KAZN: variants seen among roughly 807,000 people sequenced by gnomAD.
The protein encoded by KAZN is kazrin, periplakin interacting protein.
A neutral mutation model predicts 87.4 loss-of-function variants in KAZN; 40 were observed. The ratio of observed to expected loss-of-function variants is 0.46; its 90% CI spans 0.36 to 0.60. The LOEUF is 0.60. Ranked by LOEUF, KAZN falls within the 20% of genes least tolerant of loss-of-function variation. KAZN has a pLI of 0.00. For synonymous variants in KAZN, 466 were observed against 458.3 expected (o/e 1.02, Z -0.22); for missense variants, 898 against 1,073.9 (o/e 0.84, Z 2.29).
intron 1 of KAZN, among the ~76,000 whole-genome samples, chr1:14,694,606 T>C (rs1303828016): frequency 6.6e-6 from 1 of 152,182 alleles, no homozygotes; most frequent in Non-Finnish European, 1.5e-5. Context: ...GGAAGGGGCA[T>C]TGGCCAGAGG....
chr1:14,564,236 A>T (rs933559228), intron 2 of KAZN, among the ~76,000 whole-genome samples: 30 of 152,034 alleles, frequency 2.0e-4, no homozygotes, highest in Middle Eastern at 3.2e-3. Flanking sequence ...ATGCCCTTCC[A>T]CAGTTTGTCC....
In KAZN at chr1:14,960,871, G is replaced by A; in HGVS notation, c.414G>A (p.Leu138=). ...AGCTAGCCAGAGCCAAAGAAGCCTTGCAGGGTGAGTGACGAGTCAGCAGCA... is the reference window on the plus strand; with the variant it reads ...AGCTAGCCAGAGCCAAAGAAGCCTTACAGGGTGAGTGACGAGTCAGCAGCA... ...EQELARAKEA[L]QAMKADRKRL... is the part of the protein sequence containing the mutation. The change falls in exon 2 of 15, where the codon TTG becomes TTA. Residue 138 remains leucine, a synonymous_variant. Coordinates refer to ENST00000376030, the MANE Select transcript of KAZN (RefSeq NM_201628.3). The A allele has an allele frequency of 6.2e-7, 1 of 1,601,968 alleles. No homozygotes were observed. The highest frequency in any genetic ancestry group is 8.5e-7 in the Non-Finnish European group (1 of 1,172,578).
chr1:14,826,959 G>A (rs571156127), intron 1 of KAZN, among the ~76,000 whole-genome samples: 2 of 152,280 alleles, frequency 1.3e-5, no homozygotes, highest in African/African-American at 4.8e-5. Flanking sequence ...CAAGCTCTCC[G>A]AGTCCCAGTG....
intron 1 of KAZN, among the ~76,000 whole-genome samples, chr1:14,753,958 G>A (rs928984269): frequency 1.3e-5 from 2 of 152,254 alleles, no homozygotes; most frequent in African/African-American, 4.8e-5. Flanking sequence ...ACAGGAGTGA[G>A]TGAAGGGGAA....
intron 1 of KAZN, among the ~76,000 whole-genome samples, chr1:14,041,187 C>T (rs923701636): frequency 2.6e-5 from 4 of 152,086 alleles, no homozygotes; most frequent in African/African-American, 9.7e-5. Flanking sequence ...ATGTCTGTTG[C>T]TTTCATATTA....
At chr1:13,893,438 AAGGCTTAT>A (rs1405879456) in exon 1 of KAZN, 1 of 571,424 alleles carries the variant, frequency 1.8e-6, no homozygotes, top group African/African-American at 1.9e-5. Flanking sequence ...AAGATTTGCC[AAGGCTTAT>A]AGGGTTTCAT....
chr1:14,049,500 A>G (rs796495642), intron 1 of KAZN, among the ~76,000 whole-genome samples: 11 of 152,272 alleles, frequency 7.2e-5, no homozygotes, highest in African/African-American at 2.6e-4. Flanking sequence ...CCTTCCAATG[A>G]GTACCTGCTG....
chr1:15,115,285 G>A lies in KAZN; in HGVS notation c.*650G>A, dbSNP rs1052339180. 2.0e-5 allele frequency: 3 copies of A among 152,346 alleles called. No homozygotes were observed. Among genetic ancestry groups the A allele is most frequent in the Non-Finnish European group, 2.9e-5 (2 of 68,154 alleles). The allele number at this position is 152,346 out of a possible 1,614,324, so 9.4% of individuals were successfully genotyped here. The stretch of plus-strand genomic sequence containing the variant: ...TGGACGTATTGAAGAGCTGTTTGCC[G>A]ATCCACCCAGGAGTGGCTACGCTGA... On this transcript the variant is annotated 3_prime_UTR_variant, in exon 15 of 15. Coordinates refer to ENST00000376030, the MANE Select transcript of KAZN (RefSeq NM_201628.3). The surrounding 1 kb of genome is among the most constrained non-coding windows in gnomAD (Gnocchi z 4.1).
chr1:14,918,556 G>A (rs1335743047), intron 1 of KAZN, among the ~76,000 whole-genome samples: 1 of 151,230 alleles, frequency 6.6e-6, no homozygotes, highest in Non-Finnish European at 1.5e-5. Flanking sequence ...CATGCCTGTA[G>A]TCCCAGCTAC....
intron 1 of KAZN, among the ~76,000 whole-genome samples, chr1:13,966,607 G>T (rs12140268): frequency 0.23 from 35,425 of 152,006 alleles, 4,428 homozygotes; most frequent in East Asian, 0.38. Flanking sequence ...GAGGACCCAG[G>T]GTAGTCTCTT....
intron 1 of KAZN, among the ~76,000 whole-genome samples, chr1:14,938,754 T>C (rs557714403): frequency 1.3e-5 from 2 of 152,240 alleles, no homozygotes; most frequent in African/African-American, 4.8e-5. Context: ...CAGAATCTCA[T>C]GCATTATGAG....
At chr1:14,801,245 C>T (rs1452413700) in intron 1 of KAZN, among the ~76,000 whole-genome samples, 1 of 152,176 alleles carries the variant, frequency 6.6e-6, no homozygotes, top group African/African-American at 2.4e-5. Context: ...TCTCCGTCAC[C>T]GCTCAGCAAG....
intron 1 of KAZN, among the ~76,000 whole-genome samples, chr1:14,816,464 A>G (rs1028579845): frequency 2.6e-5 from 4 of 152,178 alleles, no homozygotes; most frequent in African/African-American, 9.7e-5. Context: ...ACTGTCACCC[A>G]GAGGCCACCC....
intron 4 of KAZN, among the ~76,000 whole-genome samples, chr1:15,044,814 A>C (rs1296258580): frequency 6.6e-6 from 1 of 152,106 alleles, no homozygotes; most frequent in African/African-American, 2.4e-5. Context: ...GAGGAAATAC[A>C]TGGAAATATT....
At chr1:13,966,246 G>T (rs561230901) in intron 1 of KAZN, among the ~76,000 whole-genome samples, 43 of 152,236 alleles carry the variant, frequency 2.8e-4, no homozygotes, top group Admixed American at 1.3e-3. Flanking sequence ...AGGCTGCTCA[G>T]GGACCAGGTA....
At chr1:14,664,422 G>A (rs1480939307) in intron 1 of KAZN, among the ~76,000 whole-genome samples, 1 of 152,138 alleles carries the variant, frequency 6.6e-6, no homozygotes, top group Admixed American at 6.5e-5. Flanking sequence ...GACAGAGTGA[G>A]ACTCTGCCTC....
chr1:14,200,637 T>C (rs1245036749), intron 2 of KAZN, among the ~76,000 whole-genome samples: 1 of 152,218 alleles, frequency 6.6e-6, no homozygotes, highest in African/African-American at 2.4e-5. Context: ...ATGTGTAATA[T>C]GGCATGTGCT....
intron 1 of KAZN, among the ~76,000 whole-genome samples, chr1:13,952,425 A>G (rs1641386749): frequency 6.6e-6 from 1 of 152,040 alleles, no homozygotes; most frequent in Admixed American, 6.6e-5. Flanking sequence ...AGGATGAAAC[A>G]GAATGGCCAG....
At chr1:14,152,557 A>G (rs200814299) in intron 1 of KAZN, among the ~76,000 whole-genome samples, 2 of 152,228 alleles carry the variant, frequency 1.3e-5, no homozygotes, top group East Asian at 1.9e-4. Context: ...TCCATTGTAT[A>G]TAAGTACCAA....
Sources: gnomAD v4.1 joint callset for allele counts (sites outside exome capture counted in the v4.1 genomes callset) on GRCh38, gnomAD v4.1.1 for gene constraint, Gnocchi (gnomAD v3.1) non-coding constraint, MANE v1.5 for transcripts, NCBI Gene and HGNC (gene_info 2026-07-23, HGNC 2026-07-21) for gene names.